The following SYNE1 variants were observed in gnomAD, a reference collection of about 807,000 sequenced individuals.
SYNE1 encodes the protein spectrin repeat containing nuclear envelope protein 1.
Under a neutral mutation model 1,111.0 loss-of-function variants are expected in SYNE1, and 616 were observed. The ratio of observed to expected loss-of-function variants is 0.55; its 90% CI spans 0.52 to 0.59. The LOEUF is 0.59. SYNE1 is among the 20% of genes least tolerant of loss of function. The pLI is 0.00. For synonymous variants in SYNE1, 3,855 were observed against 3,825.8 expected (o/e 1.01, Z -0.28); for missense variants, 10,006 against 10,417.0 (o/e 0.96, Z 1.72).
At chr6:152,412,423 CAA>C (rs1168538010) in intron 42 of SYNE1, among the ~76,000 whole-genome samples, 60 of 72,570 alleles carry the variant, frequency 8.3e-4, no homozygotes, top group African/African-American at 2.4e-3. Context: ...GACTCCGTCT[CAA>C]AAAAAAAAAA....
intron 85 of SYNE1, 28 bp downstream of exon 85, chr6:152,318,835 T>A: frequency 6.2e-7 from 1 of 1,613,372 alleles, no homozygotes; most frequent in Non-Finnish European, 8.5e-7. Flanking sequence ...ATTCATTCAG[T>A]AGTACCCTTT....
In SYNE1 at chr6:152,334,179, T is replaced by C. The variant is rs202109127; in HGVS notation, c.12623A>G (p.His4208Arg). 8.7e-6 allele frequency: 14 copies of C among 1,614,210 alleles called. No homozygotes were observed. Among genetic ancestry groups the C allele is most frequent in the Non-Finnish European group, 1.2e-5 (14 of 1,180,040 alleles). The change falls in exon 77 of 146, where the codon CAC (histidine) becomes CGC (arginine). Residue 4208 changes from histidine to arginine, a missense_variant. This residue lies in a region of SYNE1 where 4,955 missense variants were observed against 5,017.2 expected (regional missense o/e 0.99). Coordinates refer to ENST00000367255, the MANE Select transcript of SYNE1 (RefSeq NM_182961.4). ...ATCATTTAAATGATTTATTTCCTTG[T>C]GTTCAGGCGATTCCTCCTTCTTTGT... ...KLTKKEESPE[H>R]KEINHLNDQW...
intron 2 of SYNE1, among the ~76,000 whole-genome samples, chr6:152,629,709 A>G (rs544882039): frequency 2.6e-5 from 4 of 152,136 alleles, no homozygotes; most frequent in Non-Finnish European, 5.9e-5. Flanking sequence ...GAGGGGGTGA[A>G]TAATGCACCA....
At position 152,344,077 on chromosome 6, in the gene SYNE1, C is replaced by T. The variant is rs770448083; in HGVS notation, c.12225+4G>A. 4.4e-5 allele frequency: 71 copies of T among 1,614,056 alleles called. No homozygotes were observed. In the Admixed American group the frequency reaches 9.0e-4, roughly 20 times the overall value. On this transcript the variant is annotated splice_donor_region_variant and intron_variant, in intron 74 of 145. Coordinates refer to ENST00000367255, the MANE Select transcript of SYNE1 (RefSeq NM_182961.4). ...AATAACACAAACTTTCAGGAGTTTA[C>T]TACCTGCTTAATGGCTTCTGCCCTA... is the stretch of plus-strand genomic sequence containing the variant.
Position 152,416,835 on chromosome 6 carries a change from A to C in SYNE1, c.5602T>G (p.Ser1868Ala). 1.2e-6 allele frequency: 2 copies of C among 1,614,178 alleles called. No individual in the cohort carries two copies. The highest frequency in any genetic ancestry group is 1.7e-6 in the Non-Finnish European group (2 of 1,180,044). Residue 1868 changes from serine to alanine, a missense_variant, in exon 41 of 146, where the codon TCC becomes GCC. Physicochemically the swap from Ser to Ala is moderately conservative, Grantham distance 99. Transcript: ENST00000367255. Reference sequence around the variant, plus strand: ...CTCTGGAGGAATTCTGCCAAATGGGACAGGGCAAGCTGCCGCCTCTCCACA... The same window carrying C: ...CTCTGGAGGAATTCTGCCAAATGGGCCAGGGCAAGCTGCCGCCTCTCCACA... ...QVVERRQLAL[S>A]HLAEFLQSHA...
chr6:152,444,644 T>G, intron 29 of SYNE1, 66 bp from the exon 30 acceptor site: 3 of 1,469,742 alleles, frequency 2.0e-6, no homozygotes, highest in Non-Finnish European at 2.8e-6. Flanking sequence ...GTATAATTTT[T>G]TTGGTAAGGT....
chr6:152,321,692 G>A lies in SYNE1; in HGVS notation c.16083+29C>T, dbSNP rs371475997. ...AGGGCAATTGTTTTTGAAATGATGG[G>A]TAAAGAGAATGAGGAGACTTTTTTG... On this transcript the variant is annotated intron_variant, in intron 83 of 145. Coordinates refer to ENST00000367255, the MANE Select transcript of SYNE1 (RefSeq NM_182961.4). 1.1e-5 allele frequency: 18 copies of A among 1,613,414 alleles called. No homozygotes were observed. In the African/African-American group the frequency reaches 1.6e-4, roughly 14 times the overall value.
At position 152,180,222 on chromosome 6, in the gene SYNE1, G is replaced by C; in HGVS notation, c.23374C>G (p.Leu7792Val). 6.2e-7 allele frequency: 1 copy of C among 1,614,050 alleles called. No homozygotes were observed. Among genetic ancestry groups the C allele is most frequent in the Non-Finnish European group, 8.5e-7 (1 of 1,179,972 alleles). Residue 7792 changes from leucine to valine, a missense_variant, in exon 129 of 146, where the codon CTC becomes GTC. By Grantham distance (32) the Leu-to-Val change is conservative. This residue lies in a region of SYNE1 where 2,182 missense variants were observed against 2,287.8 expected (regional missense o/e 0.95). Coordinates refer to ENST00000367255, the MANE Select transcript of SYNE1 (RefSeq NM_182961.4). ...TCCATTTGAGTCAACCACTCACAGA[G>C]TTCCTTGTTCTTTTCACTGAAGACT... ...WAVFSEKNKELCEWLTQMESK... is the reference protein window; with the variant it reads ...WAVFSEKNKEVCEWLTQMESK...
chr6:152,232,914 G>T (rs1391689198), intron 112 of SYNE1, among the ~76,000 whole-genome samples: 1 of 152,204 alleles, frequency 6.6e-6, no homozygotes, highest in African/African-American at 2.4e-5. Context: ...ATGAACGTGG[G>T]TTGGTTCCTG....
At position 152,399,839 on chromosome 6, in the gene SYNE1, A is replaced by G. The variant is rs202040448; in HGVS notation, c.7030-16T>C. On this transcript the variant is annotated splice_polypyrimidine_tract_variant and intron_variant, in intron 47 of 145. Transcript: ENST00000367255. ...TTTGTATATCCTACAGAATAAAAGT[A>G]TATTATGAAGGATATTCATAACTTG... 2.0e-4 allele frequency: 315 copies of G among 1,610,070 alleles called. 2 individuals are homozygous for G. The highest frequency in any genetic ancestry group is 2.0e-4 in the Admixed American group (12 of 60,002).
chr6:152,595,366 C>T (rs1226494952), intron 3 of SYNE1, among the ~76,000 whole-genome samples: 1 of 152,222 alleles, frequency 6.6e-6, no homozygotes, highest in Non-Finnish European at 1.5e-5. Context: ...GCTCCAGATA[C>T]ACTGGTTCAA....
chr6:152,338,698 C>G (rs1480242929), intron 75 of SYNE1, among the ~76,000 whole-genome samples: 2 of 152,156 alleles, frequency 1.3e-5, no homozygotes, highest in African/African-American at 4.8e-5. Flanking sequence ...GTGGCAGCAG[C>G]CGGGAAAATA....
At chr6:152,151,770 C>T in intron 134 of SYNE1, 80 bp from the exon 135 acceptor site, 2 of 1,556,508 alleles carry the variant, frequency 1.3e-6, no homozygotes, top group South Asian at 2.3e-5. Context: ...CAGCGAATTC[C>T]AGTGTTCTGT....
chr6:152,366,595 C>T lies in SYNE1; in HGVS notation c.9972+623G>A, dbSNP rs142856404. On this transcript the variant is annotated intron_variant, in intron 62 of 145. Coordinates refer to ENST00000367255, the MANE Select transcript of SYNE1 (RefSeq NM_182961.4). Reference sequence around the variant, plus strand: ...AACTTTCAACCCCATCCCTTCTGCACGGTTCCACTCCTGTGTATGTCTATA... The same window carrying T: ...AACTTTCAACCCCATCCCTTCTGCATGGTTCCACTCCTGTGTATGTCTATA... Among the ~76,000 whole-genome samples the T allele has an allele frequency of 7.3e-4, 111 of 152,296 alleles. 1 individual carries two copies. The East Asian group carries it at 0.02, about 28-fold the overall frequency.
chr6:152,376,319 T>C (rs902565478), intron 58 of SYNE1, 62 bp downstream of exon 58: 1 of 1,583,780 alleles, frequency 6.3e-7, no homozygotes, highest in Non-Finnish European at 8.7e-7. Flanking sequence ...GGACCCTTGA[T>C]TTAGAGGTTA....
At chr6:152,623,917 A>G (rs1431460832) in intron 3 of SYNE1, among the ~76,000 whole-genome samples, 1 of 136,324 alleles carries the variant, frequency 7.3e-6, no homozygotes, top group African/African-American at 2.8e-5. Flanking sequence ...ACTTTTCAGT[A>G]TACTTCTGTT....
chr6:152,159,545 T>G (rs1211644567), intron 131 of SYNE1, among the ~76,000 whole-genome samples: 1 of 152,148 alleles, frequency 6.6e-6, no homozygotes, highest in Admixed American at 6.5e-5. Flanking sequence ...CACCCCGGAG[T>G]TCACCTGTTC....
chr6:152,159,086 G>A (rs1043829762), intron 131 of SYNE1, among the ~76,000 whole-genome samples: 12 of 152,122 alleles, frequency 7.9e-5, no homozygotes, highest in African/African-American at 2.9e-4. Flanking sequence ...TGAGTAGCTG[G>A]GACTACAGGC....
intron 130 of SYNE1, among the ~76,000 whole-genome samples, chr6:152,170,733 A>G (rs1158790349): frequency 6.6e-6 from 1 of 152,214 alleles, no homozygotes. Flanking sequence ...TTTTACCTCC[A>G]CAGCCTTTGA....
Sources: gnomAD v4.1 joint callset for allele counts (sites outside exome capture counted in the v4.1 genomes callset) on GRCh38, gnomAD v4.1.1 for gene constraint, gnomAD v4.1.1 regional missense constraint, MANE v1.5 for transcripts, NCBI Gene and HGNC (gene_info 2026-07-23, HGNC 2026-07-21) for gene names.